Variants in RSU1 observed in about 807,000 individuals in gnomAD.
RSU1 encodes the protein rsu-1.
In RSU1, 26 loss-of-function variants were observed where a neutral mutation model predicts 31.1. That is an observed-to-expected ratio of 0.84 (90% CI 0.61 to 1.16). RSU1 has a LOEUF of 1.16. RSU1 is among the 50% of genes most tolerant of loss of function. RSU1 has a pLI of 0.00. For missense variants in RSU1, 320 were observed against 339.1 expected (o/e 0.94, Z 0.44); for synonymous variants, 164 against 136.3 (o/e 1.20, Z -1.41).
At chr10:16,613,358 G>A (rs182628891) in intron 8 of RSU1, among the ~76,000 whole-genome samples, 3 of 152,218 alleles carry the variant, frequency 2.0e-5, no homozygotes, top group Admixed American at 6.5e-5. Flanking sequence ...TTCCTGCCAC[G>A]CCTCAGTGGT....
chr10:16,706,358 T>A (rs1288095643), intron 7 of RSU1, among the ~76,000 whole-genome samples: 1 of 152,200 alleles, frequency 6.6e-6, no homozygotes, highest in African/African-American at 2.4e-5. Context: ...CTAGAGATGT[T>A]GAACATTTTT....
At chr10:16,817,146 G>A (rs538372398) in intron 1 of RSU1, 62 bp from the exon 2 acceptor site, 1 of 1,212,654 alleles carries the variant, frequency 8.2e-7, no homozygotes, top group Admixed American at 1.7e-5. Context: ...GGAAAGGCAA[G>A]AGGCCTTCGC....
chr10:16,808,829 A>G (rs374634086), intron 2 of RSU1, among the ~76,000 whole-genome samples: 6 of 152,276 alleles, frequency 3.9e-5, no homozygotes, highest in African/African-American at 1.4e-4. Flanking sequence ...CTTAAGGTGG[A>G]CCCTATCCCA....
At chr10:16,625,375 T>C (rs372308758) in intron 8 of RSU1, among the ~76,000 whole-genome samples, 9 of 152,084 alleles carry the variant, frequency 5.9e-5, no homozygotes, top group Non-Finnish European at 1.3e-4. Context: ...ACGAAAACAG[T>C]GGGGACTTTT....
intron 3 of RSU1, among the ~76,000 whole-genome samples, chr10:16,777,919 C>T (rs79543716): frequency 0.012 from 1,786 of 152,044 alleles, 10 homozygotes; most frequent in South Asian, 0.028. Flanking sequence ...GGCTGCGAGT[C>T]CTTTGTGTGC....
At chr10:16,689,295 TAG>T (rs998462654) in intron 8 of RSU1, among the ~76,000 whole-genome samples, 1 of 152,234 alleles carries the variant, frequency 6.6e-6, no homozygotes, top group Non-Finnish European at 1.5e-5. Flanking sequence ...AAGTTTTTCT[TAG>T]AGATAATTTC....
chr10:16,810,180 A>C (rs144843809), intron 2 of RSU1, among the ~76,000 whole-genome samples: 3,085 of 152,256 alleles, frequency 0.02, 53 homozygotes, highest in African/African-American at 0.047. Context: ...GCAGTGAGCC[A>C]AGATCGCGCC....
chr10:16,705,875 C>G (rs952916257), intron 7 of RSU1, among the ~76,000 whole-genome samples: 2 of 152,136 alleles, frequency 1.3e-5, no homozygotes, highest in Admixed American at 6.6e-5. Flanking sequence ...CTTCTTGGCT[C>G]AAGCAATCCT....
rs188393493 is a variant in RSU1, at chr10:16,611,866, G to T, written c.732-18370C>A. Among the ~76,000 whole-genome samples, 134 of 152,348 alleles carry T rather than the reference G, an allele frequency of 8.8e-4. 1 individual carries two copies. Among genetic ancestry groups the T allele is most frequent in the African/African-American group, 2.9e-3 (121 of 41,566 alleles). The stretch of plus-strand genomic sequence containing the variant: ...ATGAATGAATCTCTCTTTATGTTCA[G>T]CACCTGTGTGAAAGTTATAATGTAC... On this transcript the variant is annotated intron_variant, in intron 8 of 8. Coordinates refer to ENST00000345264, the MANE Select transcript of RSU1 (RefSeq NM_012425.4).
intron 8 of RSU1, among the ~76,000 whole-genome samples, chr10:16,645,628 C>A (rs1461212845): frequency 6.6e-6 from 1 of 151,378 alleles, no homozygotes; most frequent in Non-Finnish European, 1.5e-5. Flanking sequence ...GGCAACATGG[C>A]AAAACCTCAT....
At chr10:16,668,442 T>G (rs78097386) in intron 8 of RSU1, among the ~76,000 whole-genome samples, 4,091 of 152,294 alleles carry the variant, frequency 0.027, 192 homozygotes, top group African/African-American at 0.093. Context: ...ATTACCTAGC[T>G]AGATCGTCTT....
intron 7 of RSU1, among the ~76,000 whole-genome samples, chr10:16,714,756 A>G (rs79894667): frequency 0.02 from 3,079 of 152,100 alleles, 111 homozygotes; most frequent in African/African-American, 0.07. Flanking sequence ...GAAAAGAGTC[A>G]ATTGCTACTG....
At chr10:16,806,388 C>T (rs1242732560) in intron 2 of RSU1, among the ~76,000 whole-genome samples, 4 of 152,240 alleles carry the variant, frequency 2.6e-5, no homozygotes, top group Non-Finnish European at 5.9e-5. Context: ...GCTGAGAACA[C>T]TGCTTCCGAC....
At chr10:16,682,865 C>T (rs971885578) in intron 8 of RSU1, among the ~76,000 whole-genome samples, 2 of 152,198 alleles carry the variant, frequency 1.3e-5, no homozygotes, top group African/African-American at 4.8e-5. Flanking sequence ...CACAGACCCT[C>T]CACACCGCAC....
chr10:16,774,139 C>T (rs930354406), intron 3 of RSU1, among the ~76,000 whole-genome samples: 5 of 151,348 alleles, frequency 3.3e-5, no homozygotes, highest in African/African-American at 1.2e-4. Flanking sequence ...TGCCCACACA[C>T]GTTCTGTTCA....
chr10:16,604,414 T>C (rs1833766071), intron 8 of RSU1, among the ~76,000 whole-genome samples: 1 of 152,092 alleles, frequency 6.6e-6, no homozygotes. Context: ...CTGTGAGTTC[T>C]GTGGATGCCC....
chr10:16,617,505 C>T (rs1305830508), intron 8 of RSU1, among the ~76,000 whole-genome samples: 1 of 152,120 alleles, frequency 6.6e-6, no homozygotes, highest in Non-Finnish European at 1.5e-5. Flanking sequence ...TCACATGGAA[C>T]CAAAAAAGAG....
At position 16,761,769 on chromosome 10, in the gene RSU1, T is replaced by A. The variant is rs202157347; in HGVS notation, c.281+2621A>T. On this transcript the variant is annotated intron_variant, in intron 4 of 8. Transcript: ENST00000345264. Reference sequence around the variant, plus strand: ...TACTTGGGAGGCTGAGGCAGGAGAATCTCCTGAACTCAGGAGGTGGAGCTT... The same window carrying A: ...TACTTGGGAGGCTGAGGCAGGAGAAACTCCTGAACTCAGGAGGTGGAGCTT... Among the ~76,000 whole-genome samples, 3 of 151,978 alleles carry A rather than the reference T, an allele frequency of 2.0e-5. No homozygotes were observed. The East Asian group carries it at 5.8e-4, about 29-fold the overall frequency.
intron 8 of RSU1, among the ~76,000 whole-genome samples, chr10:16,617,244 AAG>A (rs1833993413): frequency 6.6e-6 from 1 of 152,208 alleles, no homozygotes; most frequent in Non-Finnish European, 1.5e-5. Context: ...AATTGCTACA[AAG>A]AGAATAAAAT....
Sources: allele counts gnomAD v4.1 joint callset (sites outside exome capture counted in the v4.1 genomes callset), GRCh38; gene constraint gnomAD v4.1.1; transcripts MANE v1.5; gene names NCBI Gene and HGNC (gene_info 2026-07-23, HGNC 2026-07-21).